LSAMP: variants seen among roughly 807,000 people sequenced by gnomAD.
LSAMP encodes the protein limbic system-associated membrane protein.
A neutral mutation model predicts 38.6 loss-of-function variants in LSAMP; 7 were observed. That is an observed-to-expected ratio of 0.18 (90% CI 0.10 to 0.34). The LOEUF (loss-of-function observed/expected upper bound fraction) is 0.34, where lower values mean the gene tolerates loss of function less well. LSAMP is among the 10% of genes least tolerant of loss of function. The probability of loss-of-function intolerance (pLI) is 1.00; values close to 1 mark genes in which losing one functional copy is unlikely to be tolerated. For missense variants in LSAMP, 313 were observed against 420.0 expected (o/e 0.75, Z 2.23); for synonymous variants, 154 against 166.8 (o/e 0.92, Z 0.59).
At chr3:116,350,676 T>C (rs867410158) in intron 1 of LSAMP, among the ~76,000 whole-genome samples, 1 of 151,890 alleles carries the variant, frequency 6.6e-6, no homozygotes, top group Admixed American at 6.6e-5. Flanking sequence ...GTAGTGATGC[T>C]AGCAATTTGA....
chr3:115,973,936 G>A (rs1939101367), intron 3 of LSAMP, among the ~76,000 whole-genome samples: 1 of 152,132 alleles, frequency 6.6e-6, no homozygotes, highest in African/African-American at 2.4e-5. Context: ...TTTTGAATTA[G>A]GAATGCACAA....
At chr3:116,112,395 C>T (rs757173818) in intron 1 of LSAMP, among the ~76,000 whole-genome samples, 12 of 152,186 alleles carry the variant, frequency 7.9e-5, no homozygotes, top group Non-Finnish European at 1.6e-4. Flanking sequence ...CTAGTACATC[C>T]TTTTTCTAGA....
chr3:116,186,659 A>G (rs1409616152), intron 1 of LSAMP, among the ~76,000 whole-genome samples: 1 of 152,130 alleles, frequency 6.6e-6, no homozygotes, highest in Non-Finnish European at 1.5e-5. Context: ...AATCCAATAA[A>G]ATTATAAGAC....
chr3:115,853,732 C>G (rs1935406176), intron 3 of LSAMP, among the ~76,000 whole-genome samples: 1 of 152,154 alleles, frequency 6.6e-6, no homozygotes, highest in Non-Finnish European at 1.5e-5. Flanking sequence ...AGGACTTCAA[C>G]TCTAGCTAAA....
chr3:116,162,688 C>CTA (rs1559765463), intron 1 of LSAMP, among the ~76,000 whole-genome samples: 1 of 149,146 alleles, frequency 6.7e-6, no homozygotes, highest in African/African-American at 2.5e-5. Context: ...CTCTCTCTCT[C>CTA]TCTCTCTATA....
chr3:116,225,472 C>T (rs910979165), intron 1 of LSAMP, among the ~76,000 whole-genome samples: 1 of 152,082 alleles, frequency 6.6e-6, no homozygotes, highest in Non-Finnish European at 1.5e-5. Flanking sequence ...TTTAAACCAC[C>T]CAGTATGTGG....
At position 115,950,662 on chromosome 3, in the gene LSAMP, T is replaced by C. The variant is rs542900050; in HGVS notation, c.514+68853A>G. 3.8e-4 allele frequency among the ~76,000 whole-genome samples: 58 copies of C among 152,034 alleles called. 1 individual carries two copies. Among genetic ancestry groups the C allele is most frequent in the Non-Finnish European group, 6.2e-4 (42 of 67,986 alleles). ...AGAATCAATATTGTGAAAATGACCA[T>C]ACTGCCAAAAGCAATCCACAGATTA... is the stretch of plus-strand genomic sequence containing the variant. On this transcript the variant is annotated intron_variant, in intron 3 of 6. Coordinates refer to ENST00000490035, the MANE Select transcript of LSAMP (RefSeq NM_002338.5).
In LSAMP at chr3:116,160,467, G is replaced by A. The variant is rs1302710260; in HGVS notation, c.156-73911C>T. On this transcript the variant is annotated intron_variant, in intron 1 of 6. Coordinates refer to ENST00000490035, the MANE Select transcript of LSAMP (RefSeq NM_002338.5). ...GGAAGGAAGGAGAGAGAGAAAAGAA[G>A]AGAAAAGAGGAGAGGAGAGGAAAAG... 2.0e-5 allele frequency among the ~76,000 whole-genome samples: 3 copies of A among 150,500 alleles called. No homozygotes were observed. The East Asian group carries it at 5.9e-4, about 29-fold the overall frequency.
chr3:115,881,061 T>TAAA (rs1309597720), intron 3 of LSAMP, among the ~76,000 whole-genome samples: 1 of 151,440 alleles, frequency 6.6e-6, no homozygotes, highest in African/African-American at 2.4e-5. Context: ...AATAAATAAA[T>TAAA]AAATAAATAA....
intron 1 of LSAMP, among the ~76,000 whole-genome samples, chr3:116,099,985 A>G (rs1208106404): frequency 1.3e-5 from 2 of 150,766 alleles, no homozygotes; most frequent in African/African-American, 4.9e-5. Flanking sequence ...ATCATCTTCC[A>G]CTTTACTTTG....
chr3:116,174,425 C>T (rs1323910211), intron 1 of LSAMP, among the ~76,000 whole-genome samples: 3 of 151,164 alleles, frequency 2.0e-5, no homozygotes, highest in Non-Finnish European at 2.9e-5. Flanking sequence ...CTTGAAATCT[C>T]GAAACAGATA....
intron 1 of LSAMP, among the ~76,000 whole-genome samples, chr3:116,352,152 T>C (rs2048149483): frequency 6.6e-6 from 1 of 152,110 alleles, no homozygotes; most frequent in African/African-American, 2.4e-5. Context: ...AATGATTCCA[T>C]GACTTCTCTG....
intron 6 of LSAMP, among the ~76,000 whole-genome samples, chr3:115,840,549 A>G (rs142210487): frequency 2.0e-5 from 3 of 152,346 alleles, no homozygotes; most frequent in East Asian, 1.9e-4. Context: ...CAGCATTTGT[A>G]TAACTGTATC....
intron 1 of LSAMP, among the ~76,000 whole-genome samples, chr3:116,226,687 G>T (rs1035411079): frequency 1.3e-5 from 2 of 152,198 alleles, no homozygotes; most frequent in African/African-American, 4.8e-5. Context: ...TCTCTTTGTT[G>T]TATGTGTAAT....
chr3:115,841,621 C>T, intron 6 of LSAMP: 2 of 420,650 alleles, frequency 4.8e-6, no homozygotes, highest in East Asian at 3.7e-5. Flanking sequence ...GAAAAACAAA[C>T]AACAAGGCAG....
intron 3 of LSAMP, among the ~76,000 whole-genome samples, chr3:115,907,005 T>C: frequency 6.6e-6 from 1 of 152,124 alleles, no homozygotes; most frequent in South Asian, 2.1e-4. Flanking sequence ...CTAGAATAAT[T>C]TGAATATTTA....
chr3:116,002,172 C>T (rs1940014565), intron 3 of LSAMP, among the ~76,000 whole-genome samples: 1 of 152,162 alleles, frequency 6.6e-6, no homozygotes, highest in Non-Finnish European at 1.5e-5. Flanking sequence ...TCACCTTGCC[C>T]TGGTCCAAAC....
intron 1 of LSAMP, among the ~76,000 whole-genome samples, chr3:116,164,088 G>C (rs1005478646): frequency 6.6e-6 from 1 of 152,006 alleles, no homozygotes; most frequent in African/African-American, 2.4e-5. Flanking sequence ...GCTTGAGCTG[G>C]GTCCTTTGAA....
At chr3:116,022,333 T>C (rs565788466) in intron 2 of LSAMP, among the ~76,000 whole-genome samples, 2 of 152,266 alleles carry the variant, frequency 1.3e-5, no homozygotes, top group South Asian at 4.1e-4. Context: ...TCTTATTTAC[T>C]TTCAATCTCT....
Sources: allele counts gnomAD v4.1 joint callset (sites outside exome capture counted in the v4.1 genomes callset), GRCh38; gene constraint gnomAD v4.1.1; transcripts MANE v1.5; gene names NCBI Gene and HGNC (gene_info 2026-07-23, HGNC 2026-07-21).